Variants in CHCHD3 observed in about 807,000 individuals in gnomAD.
CHCHD3 encodes MICOS complex subunit MIC19.
CHCHD3 carries 20 observed loss-of-function variants against 38.2 expected under a neutral mutation model. The observed-to-expected ratio is 0.52, with a 90% confidence interval of 0.37 to 0.76. The LOEUF is 0.76. CHCHD3 is among the 30% of genes least tolerant of loss of function. The pLI, the probability that CHCHD3 is intolerant of heterozygous loss-of-function variation, is 0.00. For missense variants in CHCHD3, 245 were observed against 279.2 expected, an observed-to-expected ratio of 0.88 and a Z score of 0.87; for synonymous variants, 82 against 100.0, an observed-to-expected ratio of 0.82 and a Z score of 1.07.
At chr7:133,012,463 T>C (rs1464739389) in intron 3 of CHCHD3, among the ~76,000 whole-genome samples, 1 of 152,166 alleles carries the variant, frequency 6.6e-6, no homozygotes, top group African/African-American at 2.4e-5. Flanking sequence ...TGGTAAAACC[T>C]ATAAAACATA....
At chr7:132,859,784 G>A (rs1015423302) in intron 5 of CHCHD3, among the ~76,000 whole-genome samples, 3 of 152,100 alleles carry the variant, frequency 2.0e-5, no homozygotes, top group African/African-American at 4.8e-5. Context: ...GGCTGTTCAA[G>A]GTCCACTTTT....
rs527257414 is a variant in CHCHD3 at position 132,925,307 on chromosome 7, G to A, written c.370-39562C>T. Among the ~76,000 whole-genome samples, 12 of 152,198 alleles carry A rather than the reference G, an allele frequency of 7.9e-5. 1 individual carries two copies. In the East Asian group the frequency reaches 2.3e-3, roughly 29 times the overall value. On this transcript the variant is annotated intron_variant, in intron 4 of 7. Transcript: ENST00000262570. ...CTAATTTTAAAAGAACCTGATTATAGTGCAAAGCTGCAAGTACAAGCCACT... is the reference window on the plus strand; with the variant it reads ...CTAATTTTAAAAGAACCTGATTATAATGCAAAGCTGCAAGTACAAGCCACT...
intron 4 of CHCHD3, among the ~76,000 whole-genome samples, chr7:132,957,616 G>C (rs1811215826): frequency 6.6e-6 from 1 of 151,662 alleles, no homozygotes. Flanking sequence ...CGAGTAGCTG[G>C]GATTACAGGC....
intron 5 of CHCHD3, among the ~76,000 whole-genome samples, chr7:132,869,959 T>C (rs1257516820): frequency 3.3e-5 from 5 of 152,148 alleles, no homozygotes; most frequent in African/African-American, 9.7e-5. Context: ...ATAAGCTTAA[T>C]TGTAGGTTTA....
chr7:133,025,589 C>A (rs1211090483), intron 2 of CHCHD3, among the ~76,000 whole-genome samples: 1 of 152,214 alleles, frequency 6.6e-6, no homozygotes, highest in Non-Finnish European at 1.5e-5. Context: ...ACTGTGACCT[C>A]CGCCTCCTGG....
chr7:133,003,634 CAATTTACAGTTGCCATGTTCAAATTT>C (rs1244140792), intron 3 of CHCHD3, among the ~76,000 whole-genome samples: 5 of 152,136 alleles, frequency 3.3e-5, no homozygotes, highest in African/African-American at 1.2e-4. Flanking sequence ...CAATGCATTG[CAATTTACAGTTGCCATGTTCAAATTT>C]ACACAGTCTT....
At chr7:133,015,265 C>T (rs921890268) in intron 3 of CHCHD3, among the ~76,000 whole-genome samples, 1 of 152,004 alleles carries the variant, frequency 6.6e-6, no homozygotes, top group Admixed American at 6.6e-5. Context: ...ATCACTTGAA[C>T]CCAGGAGGCG....
chr7:133,044,377 C>G (rs1813916985), intron 2 of CHCHD3, among the ~76,000 whole-genome samples: 2 of 152,176 alleles, frequency 1.3e-5, no homozygotes, highest in Admixed American at 1.3e-4. Flanking sequence ...CTAGGCAGAC[C>G]TGTATTCTTT....
chr7:132,850,051 C>T (rs1404839821), intron 5 of CHCHD3, among the ~76,000 whole-genome samples: 1 of 152,156 alleles, frequency 6.6e-6, no homozygotes, highest in East Asian at 1.9e-4. Flanking sequence ...CTTTTTTGTA[C>T]ACCTCATGAA....
At chr7:132,921,194 G>A (rs1254045403) in intron 4 of CHCHD3, among the ~76,000 whole-genome samples, 1 of 152,020 alleles carries the variant, frequency 6.6e-6, no homozygotes, top group African/African-American at 2.4e-5. Context: ...GTAAATTATG[G>A]CTCCAATTTA....
At chr7:132,831,145 C>A (rs576382156) in intron 6 of CHCHD3, among the ~76,000 whole-genome samples, 2 of 152,172 alleles carry the variant, frequency 1.3e-5, no homozygotes, top group Non-Finnish European at 2.9e-5. Flanking sequence ...AAGGAGACAT[C>A]TTTATAATAC....
intron 6 of CHCHD3, among the ~76,000 whole-genome samples, chr7:132,801,951 T>C (rs1369110893): frequency 2.6e-5 from 4 of 152,038 alleles, no homozygotes; most frequent in African/African-American, 9.7e-5. Context: ...TCCACTCCAG[T>C]GTTAGGACCC....
At position 132,848,734 on chromosome 7, in the gene CHCHD3, C is replaced by T. The variant is rs187549685; in HGVS notation, c.454-10265G>A. Among the ~76,000 whole-genome samples the T allele has an allele frequency of 6.9e-3, 1,043 of 152,158 alleles. 9 individuals are homozygous for T. Among genetic ancestry groups the T allele is most frequent in the Middle Eastern group, 0.034 (10 of 292 alleles). ...TACTCTGAAGTCTGTTATAGGTGGGCAGAAAAGCAGAAGGAATTTGAAATT... is the reference window on the plus strand; with the variant it reads ...TACTCTGAAGTCTGTTATAGGTGGGTAGAAAAGCAGAAGGAATTTGAAATT... On this transcript the variant is annotated intron_variant, in intron 5 of 7. Coordinates refer to ENST00000262570, the MANE Select transcript of CHCHD3 (RefSeq NM_017812.4).
intron 2 of CHCHD3, among the ~76,000 whole-genome samples, chr7:133,036,213 A>C (rs1331440736): frequency 6.6e-6 from 1 of 152,228 alleles, no homozygotes; most frequent in Admixed American, 6.5e-5. Flanking sequence ...TGTAAATTAA[A>C]TGAATCCAAA....
chr7:132,865,118 C>T (rs1003855372), intron 5 of CHCHD3, among the ~76,000 whole-genome samples: 3 of 152,082 alleles, frequency 2.0e-5, no homozygotes, highest in Non-Finnish European at 2.9e-5. Context: ...TATTGTGTAC[C>T]TGGGGGTCTA....
intron 6 of CHCHD3, among the ~76,000 whole-genome samples, chr7:132,829,684 G>A (rs1486763771): frequency 6.6e-6 from 1 of 152,150 alleles, no homozygotes; most frequent in Non-Finnish European, 1.5e-5. Flanking sequence ...TGGCCAATCT[G>A]GCTGCACCAT....
intron 7 of CHCHD3, among the ~76,000 whole-genome samples, chr7:132,786,231 T>C (rs1360780776): frequency 6.6e-6 from 1 of 152,154 alleles, no homozygotes; most frequent in Non-Finnish European, 1.5e-5. Flanking sequence ...GGAGCATGGC[T>C]GATGGATGCA....
At chr7:132,851,949 T>C (rs1808229974) in intron 5 of CHCHD3, among the ~76,000 whole-genome samples, 1 of 152,192 alleles carries the variant, frequency 6.6e-6, no homozygotes, top group Admixed American at 6.5e-5. Flanking sequence ...ACAAACTCTC[T>C]TGTGCTTGCT....
intron 4 of CHCHD3, among the ~76,000 whole-genome samples, chr7:132,905,327 C>G (rs914847770): frequency 4.6e-5 from 7 of 151,944 alleles, no homozygotes; most frequent in African/African-American, 1.7e-4. Context: ...ATGTCGTTAA[C>G]CTCAGCAAAC....
Sources: gnomAD v4.1 joint callset for allele counts (sites outside exome capture counted in the v4.1 genomes callset) on GRCh38, gnomAD v4.1.1 for gene constraint, MANE v1.5 for transcripts, NCBI Gene and HGNC (gene_info 2026-07-23, HGNC 2026-07-21) for gene names.